EHD2: variants seen among roughly 807,000 people sequenced by gnomAD.
EHD2 encodes the protein EH domain-containing protein 2.
In EHD2, 27 loss-of-function variants were observed where a neutral mutation model predicts 41.0. That is an observed-to-expected ratio of 0.66 (90% CI 0.49 to 0.91). EHD2 has a LOEUF of 0.91. EHD2 is among the 40% of genes least tolerant of loss of function. The probability of loss-of-function intolerance (pLI) is 0.00; values close to 1 mark genes in which losing one functional copy is unlikely to be tolerated. For synonymous variants in EHD2, 342 were observed against 341.0 expected (o/e 1.00, Z -0.03); for missense variants, 673 against 773.9 (o/e 0.87, Z 1.55).
Position 47,734,094 on chromosome 19 carries a change from C to T in EHD2, c.916-2275C>T, listed in dbSNP as rs554052167. On this transcript the variant is annotated intron_variant, in intron 4 of 5. Transcript: ENST00000263277. ...CAGGATGGGGAGCTGGGAGACCTGT[C>T]GGGCCACCTTGGGTGTCTCCCCAGG... is the stretch of plus-strand genomic sequence containing the variant. Among the ~76,000 whole-genome samples the T allele has an allele frequency of 6.6e-5, 10 of 152,270 alleles. No individual in the cohort carries two copies. In the East Asian group the frequency reaches 1.2e-3, roughly 18 times the overall value.
At chr19:47,717,589 T>C (rs1195873891) in intron 2 of EHD2, among the ~76,000 whole-genome samples, 1 of 152,158 alleles carries the variant, frequency 6.6e-6, no homozygotes, top group Non-Finnish European at 1.5e-5. Context: ...GCCCTTCTTG[T>C]AGCCTCATCT....
At chr19:47,725,576 A>G (rs1045361196) in intron 3 of EHD2, among the ~76,000 whole-genome samples, 5 of 152,178 alleles carry the variant, frequency 3.3e-5, no homozygotes, top group African/African-American at 1.2e-4. Context: ...CCCTGTAGCC[A>G]GATGGCTTGA....
rs564887271 is a variant in EHD2 at position 47,719,933 on chromosome 19, T to C, written c.502+1327T>C. ...GGAAGAGGAGGAGAGAGTGTCCAGC[T>C]GTTGGTGTGTATATGTGTGTGTGTG... On this transcript the variant is annotated intron_variant, in intron 3 of 5. Transcript: ENST00000263277. The surrounding 1 kb of genome is among the most constrained non-coding windows in gnomAD (Gnocchi z 4.1). 7.2e-6 allele frequency among the ~76,000 whole-genome samples: 1 copy of C among 139,860 alleles called. No homozygotes were observed. The highest frequency in any genetic ancestry group is 2.2e-4 in the South Asian group (1 of 4,562). The allele number at this position is 139,860 out of a possible 152,430, so 91.8% of individuals were successfully genotyped here. A position where few individuals can be genotyped will look rare whatever the true frequency, so the allele number is the denominator to read the frequency against.
At chr19:47,715,844 T>G (rs1973619421) in intron 1 of EHD2, among the ~76,000 whole-genome samples, 1 of 152,098 alleles carries the variant, frequency 6.6e-6, no homozygotes, top group African/African-American at 2.4e-5. Flanking sequence ...CTCGGCTCAC[T>G]GCAACCTCTG....
rs1426971337 is a variant in EHD2 at position 47,719,087 on chromosome 19, C to T, written c.502+481C>T. ...AGGGAGCTAGTGGAAGCTGTGACTGCTCCATGCTGGCTCGCATTGATGGGT... is the reference window on the plus strand; with the variant it reads ...AGGGAGCTAGTGGAAGCTGTGACTGTTCCATGCTGGCTCGCATTGATGGGT... On this transcript the variant is annotated intron_variant, in intron 3 of 5. Coordinates refer to ENST00000263277, the MANE Select transcript of EHD2 (RefSeq NM_014601.4). This position sits in a 1 kb window ranked among gnomAD's most constrained non-coding sequence, Gnocchi z 4.1. Among the ~76,000 whole-genome samples, 1 of 152,180 alleles carries T rather than the reference C, an allele frequency of 6.6e-6. No homozygotes were observed. Among genetic ancestry groups the T allele is most frequent in the African/African-American group, 2.4e-5 (1 of 41,442 alleles).
chr19:47,723,675 C>T (rs11881430), intron 3 of EHD2, among the ~76,000 whole-genome samples: 2,575 of 119,180 alleles, frequency 0.022, 107 homozygotes, highest in African/African-American at 0.08. Flanking sequence ...AAAAAAAAAG[C>T]TCAACCATTT....
intron 4 of EHD2, among the ~76,000 whole-genome samples, chr19:47,726,826 G>C (rs1599894468): frequency 6.6e-6 from 1 of 152,066 alleles, no homozygotes; most frequent in Non-Finnish European, 1.5e-5. Flanking sequence ...CCACAGGCAC[G>C]TGTCACCACG....
chr19:47,728,816 C>T (rs929385534), intron 4 of EHD2, among the ~76,000 whole-genome samples: 14 of 152,246 alleles, frequency 9.2e-5, no homozygotes, highest in African/African-American at 3.1e-4. Flanking sequence ...GTGATCCGCC[C>T]GCCTTGGCCT....
chr19:47,740,671 G>A (rs966815070), intron 5 of EHD2, among the ~76,000 whole-genome samples: 12 of 152,058 alleles, frequency 7.9e-5, no homozygotes, highest in African/African-American at 4.8e-5. Flanking sequence ...GCTTGAAACC[G>A]GAAGGCGGAC....
chr19:47,738,541 A>T (rs1483876146), intron 5 of EHD2, among the ~76,000 whole-genome samples: 1 of 152,120 alleles, frequency 6.6e-6, no homozygotes, highest in Non-Finnish European at 1.5e-5. Flanking sequence ...ACTTCAGGTG[A>T]TCCTCCTGCC....
At chr19:47,728,118 T>G (rs1198549370) in intron 4 of EHD2, among the ~76,000 whole-genome samples, 4 of 132,634 alleles carry the variant, frequency 3.0e-5, no homozygotes, top group African/African-American at 8.9e-5. Flanking sequence ...AAAAAAAAGA[T>G]GAATTTATTA....
rs1966917537 is a variant in EHD2 at position 47,735,958 on chromosome 19, G to GATTACAC, written c.916-410_916-409insTTACACA. On this transcript the variant is annotated intron_variant, in intron 4 of 5. Transcript: ENST00000263277. ...CACACCTGTAATCCCAGCACTTTGGGAGGCCAAGGTGGGCAGATCACGAGG... is the reference window on the plus strand; with the variant it reads ...CACACCTGTAATCCCAGCACTTTGGGATTACACAGGCCAAGGTGGGCAGATCACGAGG... 3.3e-5 allele frequency among the ~76,000 whole-genome samples: 5 copies of GATTACAC among 152,156 alleles called. No individual in the cohort carries two copies. In the South Asian group the frequency reaches 1.0e-3, roughly 32 times the overall value.
rs559224950 is a variant in EHD2, at chr19:47,736,383, C to A, written c.930C>A (p.Ile310=). 2.5e-6 allele frequency: 4 copies of A among 1,613,308 alleles called. 1 individual carries two copies. The African/African-American group carries it at 4.0e-5, about 16-fold the overall frequency. ...RARLVRVHAY[I]ISYLKKEMPS... is the part of the protein sequence containing the mutation. ...CCTTCCCACAGGTTCACGCTTACAT[C>A]ATCAGCTACCTGAAGAAGGAGATGC... The change falls in exon 5 of 6, where the codon ATC becomes ATA. Residue 310 remains isoleucine, a synonymous_variant. Coordinates refer to ENST00000263277, the MANE Select transcript of EHD2 (RefSeq NM_014601.4).
At chr19:47,728,636 T>A (rs1973777536) in intron 4 of EHD2, among the ~76,000 whole-genome samples, 1 of 150,570 alleles carries the variant, frequency 6.6e-6, no homozygotes, top group Non-Finnish European at 1.5e-5. Context: ...TGGTGCGATA[T>A]CAGCTCACTG....
intron 5 of EHD2, among the ~76,000 whole-genome samples, chr19:47,737,695 AATTTATTTATATATTTTTTAGAG>A (rs1440365104): frequency 6.6e-6 from 1 of 151,454 alleles, no homozygotes; most frequent in African/African-American, 2.4e-5. Flanking sequence ...TACGTTTAAA[AATTTATTTATATATTTTTTAGAG>A]ATTTATTTAT....
At chr19:47,723,684 T>G (rs77251042) in intron 3 of EHD2, among the ~76,000 whole-genome samples, 2 of 103,894 alleles carry the variant, frequency 1.9e-5, no homozygotes, top group African/African-American at 8.6e-5. Flanking sequence ...GCTCAACCAT[T>G]TTTTTTTTTA....
intron 3 of EHD2, among the ~76,000 whole-genome samples, chr19:47,722,760 G>A (rs1478887937): frequency 6.6e-6 from 1 of 152,032 alleles, no homozygotes; most frequent in Non-Finnish European, 1.5e-5. Context: ...TGGAGACGGG[G>A]TTTCACTATG....
chr19:47,723,539 C>A (rs1390586350), intron 3 of EHD2, among the ~76,000 whole-genome samples: 1 of 151,446 alleles, frequency 6.6e-6, no homozygotes, highest in African/African-American at 2.4e-5. Flanking sequence ...ACCTGTAATC[C>A]CAGCTACTCG....
chr19:47,718,209 G>T (rs929038254), intron 2 of EHD2, among the ~76,000 whole-genome samples: 7 of 148,254 alleles, frequency 4.7e-5, no homozygotes, highest in Non-Finnish European at 8.9e-5. Context: ...GGAGGCGGAG[G>T]TTGCAGTGAG....
Sources: allele counts gnomAD v4.1 joint callset (sites outside exome capture counted in the v4.1 genomes callset), GRCh38; gene constraint gnomAD v4.1.1; non-coding constraint Gnocchi (gnomAD v3.1); transcripts MANE v1.5; gene names NCBI Gene and HGNC (gene_info 2026-07-23, HGNC 2026-07-21).